CDH13: variants seen among roughly 807,000 people sequenced by gnomAD.
CDH13 encodes cadherin 13, also known as cadherin-13.
Under a neutral mutation model 63.8 loss-of-function variants are expected in CDH13, and 24 were observed. The ratio of observed to expected loss-of-function variants is 0.38; its 90% CI spans 0.27 to 0.53. The LOEUF (loss-of-function observed/expected upper bound fraction) is 0.53, where lower values mean the gene tolerates loss of function less well. CDH13 is among the 20% of genes least tolerant of loss of function. The probability of loss-of-function intolerance (pLI) is 0.85; values close to 1 mark genes in which losing one functional copy is unlikely to be tolerated. For synonymous variants in CDH13, 503 were observed against 355.3 expected (o/e 1.42, Z -4.67); for missense variants, 1,049 against 903.1 (o/e 1.16, Z -2.07).
intron 8 of CDH13, among the ~76,000 whole-genome samples, chr16:83,644,543 T>C (rs1167451045): frequency 6.6e-6 from 1 of 152,250 alleles, no homozygotes; most frequent in East Asian, 1.9e-4. Context: ...ATAGCTCTTT[T>C]TCTAATATGA....
At position 83,439,694 on chromosome 16, in the gene CDH13, G is replaced by C. The variant is rs147213189; in HGVS notation, c.782-46783G>C. Among the ~76,000 whole-genome samples, 805 of 152,316 alleles carry C rather than the reference G, an allele frequency of 5.3e-3. 9 individuals carry two copies. The highest frequency in any genetic ancestry group is 0.018 in the African/African-American group (758 of 41,570). On this transcript the variant is annotated intron_variant, in intron 6 of 13. Transcript: ENST00000567109. Reference sequence around the variant, plus strand: ...TACGGAATGGCCTTCTTTATGGTCTGATTGACTGTGGTCATAGAGTGGCCT... The same window carrying C: ...TACGGAATGGCCTTCTTTATGGTCTCATTGACTGTGGTCATAGAGTGGCCT...
chr16:83,738,384 A>C (rs1429564801), intron 10 of CDH13, among the ~76,000 whole-genome samples: 1 of 152,354 alleles, frequency 6.6e-6, no homozygotes, highest in East Asian at 1.9e-4. Context: ...CTCTAGGCAA[A>C]AATGTTAATA....
intron 11 of CDH13, among the ~76,000 whole-genome samples, chr16:83,770,236 GT>G (rs950780877): frequency 1.3e-5 from 2 of 152,296 alleles, no homozygotes; most frequent in African/African-American, 2.4e-5. Context: ...ACAGGAAACT[GT>G]TTTTTACCCT....
At chr16:83,025,856 C>G (rs555516224) in intron 2 of CDH13, among the ~76,000 whole-genome samples, 1 of 152,282 alleles carries the variant, frequency 6.6e-6, no homozygotes, top group Non-Finnish European at 1.5e-5. Flanking sequence ...GTTCCTGGCT[C>G]TGTCTGCATT....
chr16:83,300,522 C>A (rs2089709035), intron 5 of CDH13, among the ~76,000 whole-genome samples: 1 of 152,214 alleles, frequency 6.6e-6, no homozygotes, highest in African/African-American at 2.4e-5. Context: ...TTACATCTTT[C>A]TGCCAGTTCA....
chr16:83,148,051 C>T (rs2036824793), intron 4 of CDH13, among the ~76,000 whole-genome samples: 1 of 152,180 alleles, frequency 6.6e-6, no homozygotes, highest in Admixed American at 6.5e-5. Flanking sequence ...GATTCTCCTG[C>T]CTCAGCCTCC....
chr16:83,089,892 T>C (rs2151580324), intron 3 of CDH13, among the ~76,000 whole-genome samples: 1 of 152,254 alleles, frequency 6.6e-6, no homozygotes, highest in African/African-American at 2.4e-5. Flanking sequence ...GGATAGGGCC[T>C]AGGACTCAGC....
At chr16:83,736,952 T>C (rs924629347) in intron 10 of CDH13, among the ~76,000 whole-genome samples, 6 of 152,142 alleles carry the variant, frequency 3.9e-5, no homozygotes, top group Non-Finnish European at 7.4e-5. Flanking sequence ...CCCTGGCAAG[T>C]AGCTGGTGCC....
At position 83,020,829 on chromosome 16, in the gene CDH13, G is replaced by A. The variant is rs563541335; in HGVS notation, c.158-11181G>A. 8.5e-5 allele frequency among the ~76,000 whole-genome samples: 13 copies of A among 152,280 alleles called. No individual in the cohort carries two copies. The South Asian group carries it at 2.1e-3, about 24-fold the overall frequency. On this transcript the variant is annotated intron_variant, in intron 2 of 13. Transcript: ENST00000567109. The stretch of plus-strand genomic sequence containing the variant: ...ACTGGGAAATCACGAGACTGTCAAG[G>A]CATCAAAACACAATCAGGGTCTGAA...
intron 3 of CDH13, among the ~76,000 whole-genome samples, chr16:83,115,271 G>A (rs2151627724): frequency 6.6e-6 from 1 of 152,306 alleles, no homozygotes; most frequent in African/African-American, 2.4e-5. Context: ...CAGCCATGGT[G>A]GTTCTGCCAG....
intron 11 of CDH13, among the ~76,000 whole-genome samples, chr16:83,759,530 A>T (rs1056418995): frequency 3.9e-5 from 6 of 152,146 alleles, no homozygotes; most frequent in African/African-American, 1.4e-4. Flanking sequence ...CAAAAGAAAA[A>T]AAAAAGATAG....
chr16:82,697,989 C>T (rs931292441), intron 1 of CDH13, among the ~76,000 whole-genome samples: 6 of 152,010 alleles, frequency 3.9e-5, no homozygotes, highest in African/African-American at 1.5e-4. Flanking sequence ...GATATGGCTG[C>T]ATGTTAATGT....
chr16:82,639,371 C>T (rs1241234138), intron 1 of CDH13: 2 of 1,535,022 alleles, frequency 1.3e-6, no homozygotes, highest in Non-Finnish European at 1.7e-6. Flanking sequence ...GCCAAACAAC[C>T]CACCTGCACT....
intron 10 of CDH13, among the ~76,000 whole-genome samples, chr16:83,693,227 C>G (rs1483617418): frequency 2.0e-5 from 3 of 152,166 alleles, no homozygotes; most frequent in Non-Finnish European, 4.4e-5. Context: ...GCCTCAGTGT[C>G]CCCACCTGAA....
At chr16:82,897,481 T>G (rs1228339999) in intron 2 of CDH13, among the ~76,000 whole-genome samples, 1 of 152,272 alleles carries the variant, frequency 6.6e-6, no homozygotes, top group Admixed American at 6.5e-5. Context: ...TCTCAGCTAC[T>G]TTATTACTGA....
intron 2 of CDH13, among the ~76,000 whole-genome samples, chr16:83,004,941 C>T (rs1913327443): frequency 6.6e-6 from 1 of 152,170 alleles, no homozygotes; most frequent in Non-Finnish European, 1.5e-5. Context: ...CCTCCTGCAC[C>T]ATAGCCAGGC....
At chr16:83,300,831 G>A (rs868773940) in intron 5 of CDH13, among the ~76,000 whole-genome samples, 1 of 152,092 alleles carries the variant, frequency 6.6e-6, no homozygotes, top group African/African-American at 2.4e-5. Context: ...TACTGTGTAT[G>A]TGATGTTTTT....
intron 2 of CDH13, among the ~76,000 whole-genome samples, chr16:82,914,790 A>G (rs891906013): frequency 1.3e-5 from 2 of 152,224 alleles, no homozygotes; most frequent in Non-Finnish European, 2.9e-5. Context: ...TTTAGACATC[A>G]GTGTTCTCTA....
intron 4 of CDH13, among the ~76,000 whole-genome samples, chr16:83,150,466 C>A (rs2036930409): frequency 6.6e-6 from 1 of 151,952 alleles, no homozygotes; most frequent in African/African-American, 2.4e-5. Context: ...CCCATAAGAC[C>A]CTTCACTTCT....
Sources: gnomAD v4.1 joint callset for allele counts (sites outside exome capture counted in the v4.1 genomes callset) on GRCh38, gnomAD v4.1.1 for gene constraint, MANE v1.5 for transcripts, NCBI Gene and HGNC (gene_info 2026-07-23, HGNC 2026-07-21) for gene names.